Variants in UHRF2 observed in about 807,000 individuals in gnomAD.
UHRF2 encodes the protein ubiquitin like with PHD and ring finger domains 2.
Under a neutral mutation model 96.8 loss-of-function variants are expected in UHRF2, and 23 were observed. That is an observed-to-expected ratio of 0.24 (90% CI 0.17 to 0.34). The LOEUF is 0.34. Among genes scored for constraint, UHRF2 ranks in the 10% least tolerant of loss-of-function variants. The pLI is 1.00. For missense variants in UHRF2, 685 were observed against 981.5 expected (o/e 0.70, Z 4.04); for synonymous variants, 385 against 332.6 (o/e 1.16, Z -1.72).
chr9:6,486,812 G>A lies in UHRF2; in HGVS notation c.1393-9G>A, dbSNP rs1824317356. ...AGGTATTTTGAGACTCTCTTTAATT[G>A]TTTTATAGGTGAGCGAAGCAGGTGT... On this transcript the variant is annotated splice_polypyrimidine_tract_variant and intron_variant, in intron 8 of 15. Coordinates refer to ENST00000276893, the MANE Select transcript of UHRF2 (RefSeq NM_152896.3). 6.2e-7 allele frequency: 1 copy of A among 1,613,640 alleles called. No individual in the cohort carries two copies.
chr9:6,435,767 C>T (rs1042258259), intron 3 of UHRF2, among the ~76,000 whole-genome samples: 7 of 151,992 alleles, frequency 4.6e-5, no homozygotes, highest in Admixed American at 1.3e-4. Flanking sequence ...GGTACCACAC[C>T]AGGCTAATTC....
chr9:6,468,421 A>G, intron 4 of UHRF2: 1 of 456,066 alleles, frequency 2.2e-6, no homozygotes, highest in Middle Eastern at 3.3e-4. Flanking sequence ...TCAAATAGTC[A>G]TCTCTTTGAA....
intron 8 of UHRF2, among the ~76,000 whole-genome samples, chr9:6,485,780 A>G (rs1415337083): frequency 7.5e-6 from 1 of 134,206 alleles, no homozygotes; most frequent in African/African-American, 2.8e-5. Flanking sequence ...CCTGGGCAAC[A>G]TGGTGAGACC....
chr9:6,471,458 A>C (rs530153268), intron 4 of UHRF2, among the ~76,000 whole-genome samples: 4 of 152,226 alleles, frequency 2.6e-5, no homozygotes, highest in Non-Finnish European at 4.4e-5. Flanking sequence ...TGACCAATAG[A>C]ATATGGTGTA....
intron 3 of UHRF2, among the ~76,000 whole-genome samples, chr9:6,459,274 C>T (rs524888): frequency 0.47 from 71,355 of 152,020 alleles, 17,783 homozygotes; most frequent in East Asian, 0.57. Context: ...TGGAGACTAT[C>T]GGAATATGCC....
At chr9:6,498,966 G>A (rs1420197582) in intron 12 of UHRF2, 1 of 152,188 alleles carries the variant, frequency 6.6e-6, no homozygotes, top group Non-Finnish European at 1.5e-5. Flanking sequence ...TTCTGTTTTT[G>A]TTGTCTTTTT....
At chr9:6,477,066 C>G (rs1321810760) in intron 5 of UHRF2, among the ~76,000 whole-genome samples, 2 of 152,052 alleles carry the variant, frequency 1.3e-5, no homozygotes, top group African/African-American at 4.8e-5. Flanking sequence ...AACCCTGTCT[C>G]TACTAAAAAT....
chr9:6,432,788 A>C (rs1348434981), intron 2 of UHRF2, among the ~76,000 whole-genome samples: 1 of 152,162 alleles, frequency 6.6e-6, no homozygotes, highest in Non-Finnish European at 1.5e-5. Flanking sequence ...AGGGCTTAAA[A>C]AGAAAGTTGA....
rs1241295643 is a variant in UHRF2, at chr9:6,506,271, ATC to A, written c.*97_*98del. ...GAGGGTGGAAGAAATGGTGGACTGTATCTCTCACGTTCTGAAGCAGCTAATCC... is the reference window on the plus strand; with the variant it reads ...GAGGGTGGAAGAAATGGTGGACTGTATCTCACGTTCTGAAGCAGCTAATCC... On this transcript the variant is annotated 3_prime_UTR_variant, in exon 16 of 16. Coordinates refer to ENST00000276893, the MANE Select transcript of UHRF2 (RefSeq NM_152896.3). 7.9e-6 allele frequency: 12 copies of A among 1,511,914 alleles called. No homozygotes were observed. The Admixed American group carries it at 1.7e-4, about 21-fold the overall frequency. The allele number at this position is 1,511,914 out of a possible 1,614,324, so 93.7% of individuals were successfully genotyped here.
At chr9:6,504,463 T>C in intron 14 of UHRF2, 130 bp from the exon 15 acceptor site, 2 of 602,878 alleles carry the variant, frequency 3.3e-6, no homozygotes, top group Non-Finnish European at 5.8e-6. Context: ...TTCATCACTA[T>C]AAACATCTTT....
intron 8 of UHRF2, among the ~76,000 whole-genome samples, chr9:6,483,007 A>G (rs1224363271): frequency 6.6e-6 from 1 of 152,128 alleles, no homozygotes; most frequent in African/African-American, 2.4e-5. Flanking sequence ...CCCTATAGAC[A>G]CCAAAGTCTG....
chr9:6,506,372 G>GGT lies in UHRF2; in HGVS notation c.*194_*195dup, dbSNP rs1019043965. On this transcript the variant is annotated 3_prime_UTR_variant, in exon 16 of 16. Transcript: ENST00000276893. ...CTCAACTGTCTTTTAAATATCTAAA[G>GGT]GTAGTTCCTGTAACAACTAGTTTTA... is the stretch of plus-strand genomic sequence containing the variant. The GGT allele has an allele frequency of 1.2e-5, 7 of 600,688 alleles. No individual in the cohort carries two copies. In the African/African-American group the frequency reaches 1.3e-4, roughly 11 times the overall value. 37.2% of individuals were successfully genotyped at this position (600,688 alleles called of 1,614,324 possible). A position where few individuals can be genotyped will look rare whatever the true frequency, so the allele number is the denominator to read the frequency against.
intron 2 of UHRF2, among the ~76,000 whole-genome samples, chr9:6,423,566 A>G (rs1466132541): frequency 1.3e-5 from 2 of 152,194 alleles, no homozygotes; most frequent in Non-Finnish European, 2.9e-5. Flanking sequence ...CATTGTACTA[A>G]TAAGCCAAAG....
intron 3 of UHRF2, among the ~76,000 whole-genome samples, chr9:6,440,118 A>C (rs1821079207): frequency 6.6e-6 from 1 of 152,174 alleles, no homozygotes; most frequent in African/African-American, 2.4e-5. Context: ...TAAATTCACA[A>C]AACTGACAGC....
At chr9:6,470,539 A>G (rs1396166842) in intron 4 of UHRF2, among the ~76,000 whole-genome samples, 2 of 152,198 alleles carry the variant, frequency 1.3e-5, no homozygotes, top group Admixed American at 6.5e-5. Context: ...TTCCCGATGG[A>G]ACATCGAAAT....
intron 8 of UHRF2, chr9:6,484,792 T>TC (rs1476132093): frequency 7.2e-6 from 1 of 139,288 alleles, no homozygotes; most frequent in African/African-American, 2.7e-5. Context: ...TTTCTTTTTT[T>TC]TTTTTTTTTT....
chr9:6,418,870 G>A (rs1414167502), intron 1 of UHRF2, among the ~76,000 whole-genome samples: 1 of 152,172 alleles, frequency 6.6e-6, no homozygotes, highest in African/African-American at 2.4e-5. Flanking sequence ...GGTCTAGCAA[G>A]GTGTCAGCAG....
intron 3 of UHRF2, among the ~76,000 whole-genome samples, chr9:6,460,137 A>AGTGCCATTACAAATATTCAGT (rs1822441480): frequency 6.6e-6 from 1 of 152,274 alleles, no homozygotes; most frequent in Admixed American, 6.5e-5. Flanking sequence ...ATATCATTTA[A>AGTGCCATTACAAATATTCAGT]GTGCCATTAC....
intron 4 of UHRF2, chr9:6,468,435 A>G (rs1260795084): frequency 2.2e-6 from 1 of 456,098 alleles, no homozygotes; most frequent in Non-Finnish European, 4.4e-6. Context: ...CTTTGAATGC[A>G]CCAGAGAATC....
Sources: allele counts gnomAD v4.1 joint callset (sites outside exome capture counted in the v4.1 genomes callset), GRCh38; gene constraint gnomAD v4.1.1; transcripts MANE v1.5; gene names NCBI Gene and HGNC (gene_info 2026-07-23, HGNC 2026-07-21).